Variants in RASA3 observed in about 807,000 individuals in gnomAD.
RASA3 encodes ras GTPase-activating protein 3.
RASA3 carries 73 observed loss-of-function variants against 110.0 expected under a neutral mutation model. That is an observed-to-expected ratio of 0.66 (90% CI 0.55 to 0.81). The LOEUF (loss-of-function observed/expected upper bound fraction) is 0.81. Among genes scored for constraint, RASA3 ranks in the 30% least tolerant of loss-of-function variants. RASA3 has a pLI of 0.00. For synonymous variants in RASA3, 500 were observed against 451.4 expected, an observed-to-expected ratio of 1.11 and a Z score of -1.37; for missense variants, 976 against 1,113.2, an observed-to-expected ratio of 0.88 and a Z score of 1.75.
At chr13:113,982,912 T>A (rs765037680) in intron 22 of RASA3, among the ~76,000 whole-genome samples, 1 of 152,212 alleles carries the variant, frequency 6.6e-6, no homozygotes, top group Non-Finnish European at 1.5e-5. Context: ...TACGCCCGGA[T>A]CTCAAGCTTC....
At chr13:114,095,364 G>A (rs879345303) in intron 1 of RASA3, among the ~76,000 whole-genome samples, 20 of 151,902 alleles carry the variant, frequency 1.3e-4, no homozygotes, top group African/African-American at 3.9e-4. Context: ...TTCATGACCC[G>A]AAAAAGAAAC....
intron 1 of RASA3, among the ~76,000 whole-genome samples, chr13:114,128,048 G>A (rs1164414209): frequency 6.6e-6 from 1 of 152,214 alleles, no homozygotes. Flanking sequence ...TTTCCCAGGT[G>A]CAGCCAGGCC....
Position 114,056,324 on chromosome 13 carries a change from G to A in RASA3, c.174-4169C>T. 1 of 454,076 alleles carries A rather than the reference G, an allele frequency of 2.2e-6. No homozygotes were observed. The allele number at this position is 454,076 out of a possible 1,614,324, so 28.1% of individuals were successfully genotyped here. A position where few individuals can be genotyped will look rare whatever the true frequency, so the allele number is the denominator to read the frequency against. ...TGCGTGGTGAGGGGCGGTGAGATGA[G>A]GATGCCAGCGCTAAGCACACCCCAC... On this transcript the variant is annotated intron_variant, in intron 2 of 23. Transcript: ENST00000334062. The surrounding 1 kb of genome is among the most constrained non-coding windows in gnomAD (Gnocchi z 5.7).
intron 2 of RASA3, among the ~76,000 whole-genome samples, chr13:114,058,184 G>A (rs964728115): frequency 4.6e-5 from 7 of 152,220 alleles, no homozygotes; most frequent in East Asian, 3.9e-4. Flanking sequence ...ACCTGCAAAC[G>A]GAGCACCAGA....
intron 22 of RASA3, among the ~76,000 whole-genome samples, chr13:113,982,730 A>G (rs1407129427): frequency 6.6e-6 from 1 of 152,232 alleles, no homozygotes; most frequent in Non-Finnish European, 1.5e-5. Context: ...TGGCATCAGG[A>G]GATGAGGCCT....
Position 113,999,621 on chromosome 13 carries a change from C to T in RASA3, c.1896G>A (p.Val632=). ...YSIPIENILA[V]EKLEEESFKM... ...TGAAAGACTCCTCCTCCAGCTTCTC[C>T]ACTGCCAGGATGTTCTCGATGGGAA... Residue 632 remains valine, a synonymous_variant, in exon 20 of 24, where the codon GTG becomes GTA. Coordinates refer to ENST00000334062, the MANE Select transcript of RASA3 (RefSeq NM_007368.4). 6.2e-7 allele frequency: 1 copy of T among 1,613,302 alleles called. No individual in the cohort carries two copies. Among genetic ancestry groups the T allele is most frequent in the East Asian group, 2.2e-5 (1 of 44,794 alleles).
chr13:114,051,928 C>T, intron 3 of RASA3, 124 bp downstream of exon 3: 1 of 680,412 alleles, frequency 1.5e-6, no homozygotes, highest in Non-Finnish European at 2.5e-6. Context: ...CCCAGGGCTG[C>T]TGTGACCTCA....
At chr13:114,129,482 T>C (rs1483539484) in intron 1 of RASA3, among the ~76,000 whole-genome samples, 2 of 152,168 alleles carry the variant, frequency 1.3e-5, no homozygotes, top group African/African-American at 4.8e-5. Flanking sequence ...TTTCCATTTT[T>C]CCCAATGTCA....
intron 8 of RASA3, among the ~76,000 whole-genome samples, chr13:114,022,474 C>G (rs972296362): frequency 6.6e-6 from 1 of 152,230 alleles, no homozygotes. Context: ...GGGGCTAAAA[C>G]TCGGCAGGCC....
At chr13:114,074,009 G>A (rs4287443) in intron 1 of RASA3, among the ~76,000 whole-genome samples, 172 bp from the exon 2 acceptor site, 20,594 of 152,256 alleles carry the variant, frequency 0.14, 1,794 homozygotes, top group Middle Eastern at 0.21. Flanking sequence ...GTGTACTGCC[G>A]AAAGGCGAGG....
At chr13:114,002,362 C>T (rs765540157) in intron 18 of RASA3, among the ~76,000 whole-genome samples, 20 of 152,272 alleles carry the variant, frequency 1.3e-4, no homozygotes, top group Middle Eastern at 3.4e-3. Context: ...GCCAGGACAG[C>T]GCAGTTCACA....
At position 113,994,677 on chromosome 13, in the gene RASA3, C is replaced by A. The variant is rs982108233; in HGVS notation, c.2141+1854G>T. ...AGTGAGACCCCGTCTCTACAAAAAA[C>A]CAAAATTTAATGAGCTGGGCTGGTG... is the stretch of plus-strand genomic sequence containing the variant. On this transcript the variant is annotated intron_variant, in intron 21 of 23. Transcript: ENST00000334062. Among the ~76,000 whole-genome samples, 10 of 152,198 alleles carry A rather than the reference C, an allele frequency of 6.6e-5. No homozygotes were observed. In the South Asian group the frequency reaches 1.0e-3, roughly 16 times the overall value.
At chr13:114,013,937 T>C (rs9562175) in intron 14 of RASA3, among the ~76,000 whole-genome samples, 1,800 of 83,726 alleles carry the variant, frequency 0.021, 159 homozygotes, top group African/African-American at 0.085. Context: ...TCTCTCTCCC[T>C]GTCTCTATCT....
chr13:114,044,748 A>G (rs2139507170), intron 3 of RASA3, among the ~76,000 whole-genome samples: 1 of 151,646 alleles, frequency 6.6e-6, no homozygotes, highest in East Asian at 2.0e-4. Context: ...ATTTCAGTGA[A>G]AAGGGATAAA....
chr13:114,011,333 G>T lies in RASA3; in HGVS notation c.1513-85C>A. On this transcript the variant is annotated intron_variant, in intron 15 of 23. Transcript: ENST00000334062. The surrounding 1 kb of genome is among the most constrained non-coding windows in gnomAD (Gnocchi z 4.8). The stretch of plus-strand genomic sequence containing the variant: ...CAGATCGAGGGGACGAAATGCAGGA[G>T]TCACCTCAGAGCTGCTGTGGCTTGT... 1 of 1,199,440 alleles carries T rather than the reference G, an allele frequency of 8.3e-7. No individual in the cohort carries two copies. The highest frequency in any genetic ancestry group is 1.2e-6 in the Non-Finnish European group (1 of 820,208). 74.3% of individuals were successfully genotyped at this position (1,199,440 alleles called of 1,614,324 possible). A position where few individuals can be genotyped will look rare whatever the true frequency, so the allele number is the denominator to read the frequency against.
At chr13:113,980,388 CCCA>C (rs1421794648) in intron 23 of RASA3, among the ~76,000 whole-genome samples, 1 of 148,680 alleles carries the variant, frequency 6.7e-6, no homozygotes, top group Non-Finnish European at 1.5e-5. Context: ...TGTGCCTCCT[CCCA>C]CGTGTGCACC....
intron 2 of RASA3, among the ~76,000 whole-genome samples, chr13:114,055,775 AGGCTT>A (rs563991284): frequency 2.6e-3 from 396 of 152,240 alleles, no homozygotes; most frequent in African/African-American, 9.1e-3. Flanking sequence ...CAAGGGCTGG[AGGCTT>A]CACTTCCTGC....
chr13:114,082,442 G>C (rs1449808401), intron 1 of RASA3, among the ~76,000 whole-genome samples: 3 of 152,256 alleles, frequency 2.0e-5, no homozygotes, highest in African/African-American at 7.2e-5. Flanking sequence ...CTGCCTCGGA[G>C]AGAGATGCTT....
At position 113,996,724 on chromosome 13, in the gene RASA3, G is replaced by A; in HGVS notation, c.1948C>T (p.Gln650Ter). 1 of 1,613,642 alleles carries A rather than the reference G, an allele frequency of 6.2e-7. No homozygotes were observed. Among genetic ancestry groups the A allele is most frequent in the Non-Finnish European group, 8.5e-7 (1 of 1,179,986 alleles). The change falls in exon 21 of 24, where the codon CAG becomes TAG. Residue 650 changes from glutamine (Q) to a stop codon, truncating the protein, a stop_gained. Coordinates refer to ENST00000334062, the MANE Select transcript of RASA3 (RefSeq NM_007368.4). LOFTEE classifies it high-confidence loss of function. ...TGGATGTACAGCGCACGCTCTGGCT[G>A]GATGACCTGGAACATCTGAGGACAC... ...FKMKNMFQVIQPERALYIQAN... is the reference protein window; with the variant it reads ...FKMKNMFQVI
Sources: allele counts gnomAD v4.1 joint callset (sites outside exome capture counted in the v4.1 genomes callset), GRCh38; gene constraint gnomAD v4.1.1; non-coding constraint Gnocchi (gnomAD v3.1); transcripts MANE v1.5; gene names NCBI Gene and HGNC (gene_info 2026-07-23, HGNC 2026-07-21).